FTCDNL1: variants seen among roughly 807,000 people sequenced by gnomAD.
FTCDNL1 encodes the protein formiminotransferase N-terminal subdomain-containing protein.
Under a neutral mutation model 5.9 loss-of-function variants are expected in FTCDNL1, and 11 were observed. That is an observed-to-expected ratio of 1.87 (90% CI 1.18 to 3.10). FTCDNL1 has a LOEUF of 3.10. Ranked by LOEUF, FTCDNL1 falls within the 30% of genes most tolerant of loss-of-function variation. FTCDNL1 has a pLI of 0.00. For synonymous variants in FTCDNL1, 58 were observed against 24.8 expected, an observed-to-expected ratio of 2.34 and a Z score of -3.99; for missense variants, 115 against 65.5, an observed-to-expected ratio of 1.76 and a Z score of -2.61.
intron 3 of FTCDNL1, among the ~76,000 whole-genome samples, chr2:199,763,124 C>A (rs1698348995): frequency 6.6e-6 from 1 of 152,220 alleles, no homozygotes; most frequent in Non-Finnish European, 1.5e-5. Flanking sequence ...AAGCACTGCT[C>A]AGGGCCCATC....
chr2:199,769,256 C>T (rs1468725039), intron 3 of FTCDNL1, among the ~76,000 whole-genome samples: 1 of 152,076 alleles, frequency 6.6e-6, no homozygotes, highest in Admixed American at 6.5e-5. Flanking sequence ...GTGTTCCCAC[C>T]CAAATCTCAC....
At chr2:199,725,345 C>A in the FTCDNL1 span, among the ~76,000 whole-genome samples, 6 of 152,118 alleles carry the variant, frequency 3.9e-5, no homozygotes, top group Non-Finnish European at 5.9e-5. Context: ...ATCCAGCTTG[C>A]CATTCTGTGT....
At chr2:199,740,416 C>A in the FTCDNL1 span, among the ~76,000 whole-genome samples, 1 of 152,300 alleles carries the variant, frequency 6.6e-6, no homozygotes, top group East Asian at 1.9e-4. Flanking sequence ...TCCAGAGCCT[C>A]TGAATCGCCT....
the FTCDNL1 span, among the ~76,000 whole-genome samples, chr2:199,753,007 G>GCTATAAGCTT: frequency 4.6e-5 from 7 of 152,228 alleles, no homozygotes; most frequent in South Asian, 1.5e-3. Context: ...TAAATAAGAA[G>GCTATAAGCTT]CTTATAGGGA....
In FTCDNL1 at chr2:199,787,635, A is replaced by C. The variant is rs187594701; in HGVS notation, c.212-26800T>G. Among the ~76,000 whole-genome samples the C allele has an allele frequency of 4.6e-5, 7 of 152,332 alleles. No individual in the cohort carries two copies. The East Asian group carries it at 1.4e-3, about 29-fold the overall frequency. The stretch of plus-strand genomic sequence containing the variant: ...GAACTCGTGTCAGAGGTTTGAAAGA[A>C]AATCTCAGAGACAAGAGAGAAGCAT... On this transcript the variant is annotated intron_variant, in intron 3 of 3. Transcript: ENST00000416668.
intron 3 of FTCDNL1, among the ~76,000 whole-genome samples, chr2:199,773,474 C>T (rs559729286): frequency 2.2e-4 from 33 of 152,092 alleles, no homozygotes; most frequent in Non-Finnish European, 4.4e-4. Flanking sequence ...GAATAAATGG[C>T]CATAGGTCCC....
At chr2:199,768,389 C>A (rs1029060692) in intron 3 of FTCDNL1, among the ~76,000 whole-genome samples, 5 of 152,070 alleles carry the variant, frequency 3.3e-5, no homozygotes, top group African/African-American at 1.2e-4. Flanking sequence ...TCTTCTACAT[C>A]ATTTTATGTT....
chr2:199,822,493 G>C (rs1309882664), intron 3 of FTCDNL1, among the ~76,000 whole-genome samples: 2 of 152,242 alleles, frequency 1.3e-5, no homozygotes, highest in Non-Finnish European at 2.9e-5. Flanking sequence ...CCTTCATCTT[G>C]ATTGCTGCTG....
At chr2:199,787,172 ATTTTC>A (rs763835116) in intron 3 of FTCDNL1, among the ~76,000 whole-genome samples, 1 of 150,276 alleles carries the variant, frequency 6.7e-6, no homozygotes. Context: ...GGCAACCTTA[ATTTTC>A]TTTTCTTTTC....
chr2:199,722,554 C>A, the FTCDNL1 span, among the ~76,000 whole-genome samples: 1 of 152,124 alleles, frequency 6.6e-6, no homozygotes, highest in Non-Finnish European at 1.5e-5. Context: ...AGTTGGGTAG[C>A]ATGATGCCTC....
At chr2:199,708,741 T>C in the FTCDNL1 span, among the ~76,000 whole-genome samples, 3 of 152,186 alleles carry the variant, frequency 2.0e-5, no homozygotes, top group African/African-American at 7.2e-5. Flanking sequence ...GACTATTTCT[T>C]GGAAGATTCT....
downstream of FTCDNL1, among the ~76,000 whole-genome samples, chr2:199,758,168 C>T (rs1322927233): frequency 6.6e-6 from 1 of 150,976 alleles, no homozygotes; most frequent in East Asian, 1.9e-4. Context: ...ATTCAGGTAA[C>T]ATTATAAAAT....
rs751000971 is a variant in FTCDNL1, at chr2:199,848,899, T to G, written c.64A>C (p.Arg22=). ...ACLLNVSEAG[R]KYIVENIAKA... is the part of the protein sequence containing the mutation. Reference sequence around the variant, plus strand: ...GCTATGTTCTCAACAATGTATTTTCTTCCGGCTTCTGAAACGTTTAGTAAA... The same window carrying G: ...GCTATGTTCTCAACAATGTATTTTCGTCCGGCTTCTGAAACGTTTAGTAAA... The change falls in exon 2 of 5, where the codon AGA becomes CGA. Residue 22 remains arginine, a synonymous_variant. Transcript: ENST00000420128. The G allele has an allele frequency of 1.2e-4, 86 of 702,258 alleles. No individual in the cohort carries two copies. The highest frequency in any genetic ancestry group is 2.0e-4 in the Non-Finnish European group (77 of 384,820). The allele number at this position is 702,258 out of a possible 1,614,324, so 43.5% of individuals were successfully genotyped here. A position where few individuals can be genotyped will look rare whatever the true frequency, so the allele number is the denominator to read the frequency against.
At chr2:199,805,779 T>C (rs1011403960), downstream of FTCDNL1, among the ~76,000 whole-genome samples, 14 of 151,628 alleles carry the variant, frequency 9.2e-5, no homozygotes, top group African/African-American at 3.2e-4. Flanking sequence ...ATTAGCCAGG[T>C]GTAGTGGTGT....
the FTCDNL1 span, among the ~76,000 whole-genome samples, chr2:199,680,524 C>CT: frequency 1.3e-5 from 2 of 152,122 alleles, no homozygotes; most frequent in East Asian, 1.9e-4. Flanking sequence ...TTTAGGAGCT[C>CT]TGACAGTATT....
chr2:199,729,076 A>G, the FTCDNL1 span, among the ~76,000 whole-genome samples: 1 of 152,208 alleles, frequency 6.6e-6, no homozygotes, highest in Non-Finnish European at 1.5e-5. Context: ...AATGAGCTTC[A>G]CTTCCTCCTG....
At chr2:199,803,356 C>T (rs1396114772) in intron 3 of FTCDNL1, among the ~76,000 whole-genome samples, 2 of 152,040 alleles carry the variant, frequency 1.3e-5, no homozygotes, top group South Asian at 2.1e-4. Flanking sequence ...TGTACAATTT[C>T]GAACTGGAAC....
rs562849824 is a variant in FTCDNL1 at position 199,789,910 on chromosome 2, A to T, written c.212-29075T>A. Among the ~76,000 whole-genome samples, 4 of 152,314 alleles carry T rather than the reference A, an allele frequency of 2.6e-5. No individual in the cohort carries two copies. In the South Asian group the frequency reaches 8.3e-4, roughly 32 times the overall value. Reference sequence around the variant, plus strand: ...TTTCCAAGAAAGATACAGGACCTGCATAAAGAGGATGGTAACTCTACTGAA... The same window carrying T: ...TTTCCAAGAAAGATACAGGACCTGCTTAAAGAGGATGGTAACTCTACTGAA... On this transcript the variant is annotated intron_variant, in intron 3 of 3. Coordinates refer to the FTCDNL1 transcript ENST00000416668.
chr2:199,666,833 CCCCAG>C, the FTCDNL1 span, among the ~76,000 whole-genome samples: 1 of 151,824 alleles, frequency 6.6e-6, no homozygotes, highest in South Asian at 2.1e-4. Flanking sequence ...AATTTCTTGA[CCCCAG>C]GAGGCGAGGT....
Sources: allele counts gnomAD v4.1 joint callset (sites outside exome capture counted in the v4.1 genomes callset), GRCh38; gene constraint gnomAD v4.1.1; transcripts MANE v1.5; gene names NCBI Gene and HGNC (gene_info 2026-07-23, HGNC 2026-07-21).